Variants in SLC2A5 observed in about 807,000 individuals in gnomAD.
The protein encoded by SLC2A5 is solute carrier family 2, facilitated glucose transporter member 5.
Under a neutral mutation model 50.3 loss-of-function variants are expected in SLC2A5, and 56 were observed. The ratio of observed to expected loss-of-function variants is 1.11; its 90% CI spans 0.90 to 1.39. The LOEUF is 1.39. SLC2A5 is among the 40% of genes most tolerant of loss of function. SLC2A5 has a pLI of 0.00. For synonymous variants in SLC2A5, 269 were observed against 281.9 expected (o/e 0.95, Z 0.46); for missense variants, 566 against 650.1 (o/e 0.87, Z 1.41).
chr1:9,038,798 C>A (rs746200609), intron 9 of SLC2A5, 30 bp downstream of exon 9: 74 of 1,542,494 alleles, frequency 4.8e-5, no homozygotes, highest in Non-Finnish European at 5.3e-5. Context: ...GGTGCAGCTC[C>A]GGGCTCCTGG....
At chr1:9,060,654 CA>C (rs367776236) in intron 1 of SLC2A5, among the ~76,000 whole-genome samples, 10,808 of 116,364 alleles carry the variant, frequency 0.093, 761 homozygotes, top group Non-Finnish European at 0.13. Context: ...ACACACCCCC[CA>C]CACACACACA....
At chr1:9,060,303 C>G (rs200342183) in intron 1 of SLC2A5, among the ~76,000 whole-genome samples, 17 of 94,080 alleles carry the variant, frequency 1.8e-4, no homozygotes, top group Admixed American at 5.3e-4. Context: ...ACACACACGC[C>G]CCCCCACATG....
intron 4 of SLC2A5, among the ~76,000 whole-genome samples, chr1:9,046,200 C>T (rs974050582): frequency 6.6e-6 from 1 of 152,156 alleles, no homozygotes; most frequent in Non-Finnish European, 1.5e-5. Context: ...GGGGCCCACT[C>T]TGCACCTGTA....
chr1:9,070,639 T>G (rs1213964561), upstream of SLC2A5, among the ~76,000 whole-genome samples: 1 of 152,200 alleles, frequency 6.6e-6, no homozygotes, highest in Non-Finnish European at 1.5e-5. Context: ...CCACAGGTTT[T>G]CATCTTTACA....
intron 1 of SLC2A5, among the ~76,000 whole-genome samples, chr1:9,060,641 C>A (rs1385879161): frequency 1.6e-5 from 2 of 124,750 alleles, no homozygotes; most frequent in Non-Finnish European, 3.5e-5. Flanking sequence ...ACACATACAG[C>A]CCACACACCC....
intron 1 of SLC2A5, among the ~76,000 whole-genome samples, chr1:9,062,352 G>C (rs990888337): frequency 6.6e-6 from 1 of 152,286 alleles, no homozygotes. Flanking sequence ...AAGGAGAAGA[G>C]AGTGATTCAG....
chr1:9,052,843 C>A (rs1475049369), intron 3 of SLC2A5, among the ~76,000 whole-genome samples: 1 of 151,354 alleles, frequency 6.6e-6, no homozygotes, highest in African/African-American at 2.4e-5. Flanking sequence ...CATAGCAAGA[C>A]CCCATCCCTG....
chr1:9,037,957 C>T lies in SLC2A5; in HGVS notation c.1242G>A (p.Val414=), dbSNP rs753651831. 4.3e-6 allele frequency: 7 copies of T among 1,614,022 alleles called. No individual in the cohort carries two copies. Among genetic ancestry groups the T allele is most frequent in the South Asian group, 2.2e-5 (2 of 91,082 alleles). The part of the protein sequence containing the change: ...LQSSRPSAFM[V]GGSVHWLSNF... ...TGGAGAGCCAGTGCACACTGCCCCC[C>T]ACCATGAAGGCAGATGGCCGAGAGG... Residue 414 remains valine, a synonymous_variant, in exon 11 of 12, where the codon GTG becomes GTA. Transcript: ENST00000377424.
Position 9,038,023 on chromosome 1 carries a change from A to G in SLC2A5, c.1176T>C (p.Ser392=). 6.2e-6 allele frequency: 10 copies of G among 1,613,598 alleles called. No homozygotes were observed. Among genetic ancestry groups the G allele is most frequent in the Non-Finnish European group, 8.5e-6 (10 of 1,179,944 alleles). ...SYVIGHALGP[S]PIPALLITEI... The stretch of plus-strand genomic sequence containing the variant: ...CAGTGATGAGCAGCGCGGGTATGGG[A>G]CCTGTAGGGGGAGGAGAGCAGCCTC... The change falls in exon 11 of 12, where the codon AGT becomes AGC. Residue 392 remains serine, a splice_region_variant and synonymous_variant. Transcript: ENST00000377424.
chr1:9,051,458 AAAAC>A lies in SLC2A5; in HGVS notation c.294-3728_294-3725del, dbSNP rs778581379. Among the ~76,000 whole-genome samples the A allele has an allele frequency of 1.1e-4, 17 of 152,228 alleles. 1 individual carries two copies. The highest frequency in any genetic ancestry group is 3.3e-4 in the Admixed American group (5 of 15,268). ...CAAAGAACTCTTAAAACTTAAAAAG[AAAAC>A]AAACAACCCAATTTAAAAATGGGCC... is the stretch of plus-strand genomic sequence containing the variant. On this transcript the variant is annotated intron_variant, in intron 3 of 11. Coordinates refer to ENST00000377424, the MANE Select transcript of SLC2A5 (RefSeq NM_003039.3).
chr1:9,053,881 TA>T (rs1457447105), intron 3 of SLC2A5, among the ~76,000 whole-genome samples: 2 of 147,012 alleles, frequency 1.4e-5, no homozygotes, highest in East Asian at 4.0e-4. Context: ...CTCAAAAAAA[TA>T]AAAAAATAAA....
intron 2 of SLC2A5, among the ~76,000 whole-genome samples, chr1:9,081,251 C>T (rs1479265780): frequency 7.8e-6 from 1 of 128,554 alleles, no homozygotes; most frequent in Non-Finnish European, 1.6e-5. Context: ...CAGCATGAGA[C>T]CTTGTTTCAG....
upstream of SLC2A5, among the ~76,000 whole-genome samples, chr1:9,093,147 T>C (rs1642477512): frequency 6.6e-6 from 1 of 152,096 alleles, no homozygotes; most frequent in Non-Finnish European, 1.5e-5. Context: ...CCAACTCCTT[T>C]AATCCCTTCC....
chr1:9,044,552 T>C (rs1489239285), intron 4 of SLC2A5, among the ~76,000 whole-genome samples: 1 of 151,990 alleles, frequency 6.6e-6, no homozygotes, highest in African/African-American at 2.4e-5. Context: ...ATTTTTGTGT[T>C]GGTTTGTTTG....
chr1:9,075,316 G>A (rs2124469756), intron 2 of SLC2A5, among the ~76,000 whole-genome samples: 1 of 152,240 alleles, frequency 6.6e-6, no homozygotes, highest in Non-Finnish European at 1.5e-5. Context: ...CCGGTTGACA[G>A]AAGAAGGCAG....
At chr1:9,065,053 CAAAA>C (rs199947177) in intron 1 of SLC2A5, among the ~76,000 whole-genome samples, 1 of 107,220 alleles carries the variant, frequency 9.3e-6, no homozygotes, top group Non-Finnish European at 2.2e-5. Context: ...GATTCTGTCT[CAAAA>C]AAAAAAAAAA....
intron 5 of SLC2A5, chr1:9,041,227 AC>A (rs1271458523): frequency 5.0e-6 from 2 of 397,472 alleles, no homozygotes; most frequent in African/African-American, 4.1e-5. Flanking sequence ...TGCAAAAACA[AC>A]CCCGGTTACA....
chr1:9,087,243 C>T (rs1642412255), intron 1 of SLC2A5, among the ~76,000 whole-genome samples: 2 of 148,414 alleles, frequency 1.3e-5, no homozygotes, highest in African/African-American at 5.0e-5. Flanking sequence ...CTTGCTCTGT[C>T]GCCCAGGCTG....
chr1:9,071,556 G>A (rs527487165), upstream of SLC2A5: 2 of 152,532 alleles, frequency 1.3e-5, no homozygotes, highest in African/African-American at 4.8e-5. Flanking sequence ...GGGGTCGCTG[G>A]GGGGGACGCG....
Sources: gnomAD v4.1 joint callset for allele counts (sites outside exome capture counted in the v4.1 genomes callset) on GRCh38, gnomAD v4.1.1 for gene constraint, MANE v1.5 for transcripts, NCBI Gene and HGNC (gene_info 2026-07-23, HGNC 2026-07-21) for gene names.